Variants in ANKRD18B observed in about 807,000 individuals in gnomAD.
The protein encoded by ANKRD18B is ankyrin repeat domain 18B, also known as ankyrin repeat domain-containing protein 18B.
ANKRD18B carries 75 observed loss-of-function variants against 111.8 expected under a neutral mutation model. The ratio of observed to expected loss-of-function variants is 0.67; its 90% CI spans 0.56 to 0.81. ANKRD18B has a LOEUF of 0.81. Among genes scored for constraint, ANKRD18B ranks in the 40% least tolerant of loss-of-function variants. ANKRD18B has a pLI of 0.00. For missense variants in ANKRD18B, 1,038 were observed against 1,225.5 expected (o/e 0.85, Z 2.28); for synonymous variants, 356 against 417.3 (o/e 0.85, Z 1.79).
Position 33,548,428 on chromosome 9 carries a change from T to C in ANKRD18B, c.1640T>C (p.Val547Ala), listed in dbSNP as rs1828395999. 10 of 1,551,112 alleles carry C rather than the reference T, an allele frequency of 6.4e-6. No individual in the cohort carries two copies. The highest frequency in any genetic ancestry group is 8.7e-6 in the Non-Finnish European group (10 of 1,146,660). ...AAGAATGAGTTGCTTACTGAACAGGTCCATAAAGCTCGGGTGAAGTTCAAT... is the reference window on the plus strand; with the variant it reads ...AAGAATGAGTTGCTTACTGAACAGGCCCATAAAGCTCGGGTGAAGTTCAAT... ...TDKNELLTEQ[V>A]HKARVKFNTL... The change falls in exon 11 of 19, where the codon GTC (valine) becomes GCC (alanine). Residue 547 changes from valine (V) to alanine (A), a missense_variant. Around this residue, in one of 4 missense-constraint regions of ANKRD18B, gnomAD observed 524 missense variants for 677.9 expected, o/e 0.77. Coordinates refer to ENST00000684830, the MANE Select transcript of ANKRD18B (RefSeq NM_001393611.1).
chr9:33,568,524 G>C (rs1828720068), intron 16 of ANKRD18B, 147 bp from the exon 17 acceptor site: 1 of 631,820 alleles, frequency 1.6e-6, no homozygotes, highest in South Asian at 2.5e-5. Context: ...ACTTACAAGA[G>C]GTATGCTCTC....
intron 15 of ANKRD18B, 137 bp downstream of exon 15, chr9:33,566,637 A>G (rs960743099): frequency 3.7e-6 from 4 of 1,079,362 alleles, no homozygotes; most frequent in Admixed American, 7.0e-5. Flanking sequence ...TCTAGAAAAA[A>G]GTGACGTTTT....
intron 12 of ANKRD18B, among the ~76,000 whole-genome samples, chr9:33,554,464 C>T: frequency 6.6e-6 from 1 of 152,090 alleles, no homozygotes; most frequent in East Asian, 1.9e-4. Context: ...ATTAGGGAAT[C>T]CAGGTTAACG....
Position 33,531,286 on chromosome 9 carries a change from GT to G in ANKRD18B, c.495+2120del, listed in dbSNP as rs1328591550. Among the ~76,000 whole-genome samples, 12 of 152,134 alleles carry G rather than the reference GT, an allele frequency of 7.9e-5. No individual in the cohort carries two copies. The South Asian group carries it at 2.5e-3, about 32-fold the overall frequency. ...TTATTATGTATATATCAGGGCCTGA[GT>G]TTTTTTATTAAACATACGATACTAG... is the stretch of plus-strand genomic sequence containing the variant. On this transcript the variant is annotated intron_variant, in intron 3 of 18. Transcript: ENST00000684830.
chr9:33,532,397 G>A (rs1025174760), intron 3 of ANKRD18B, among the ~76,000 whole-genome samples: 1 of 152,000 alleles, frequency 6.6e-6, no homozygotes, highest in African/African-American at 2.4e-5. Context: ...CAATTTAAAT[G>A]GAAATCAATA....
At chr9:33,536,054 A>C (rs1456853140) in intron 5 of ANKRD18B, among the ~76,000 whole-genome samples, 2 of 152,010 alleles carry the variant, frequency 1.3e-5, no homozygotes, top group Admixed American at 6.6e-5. Context: ...AGGACCAAAA[A>C]GGTGCAGCCT....
chr9:33,551,755 T>G (rs1410348288), intron 12 of ANKRD18B, among the ~76,000 whole-genome samples: 1 of 152,206 alleles, frequency 6.6e-6, no homozygotes, highest in African/African-American at 2.4e-5. Context: ...TTTATTTCCC[T>G]GCCATTGGAC....
At chr9:33,526,522 T>A (rs1271493588) in intron 1 of ANKRD18B, among the ~76,000 whole-genome samples, 10 of 152,318 alleles carry the variant, frequency 6.6e-5, no homozygotes, top group Admixed American at 5.9e-4. Context: ...TGTTCCTTTT[T>A]CTTACCTTTG....
chr9:33,555,244 A>G (rs1195788412), intron 12 of ANKRD18B, among the ~76,000 whole-genome samples: 1 of 152,222 alleles, frequency 6.6e-6, no homozygotes, highest in East Asian at 1.9e-4. Flanking sequence ...ACAGAGAATG[A>G]CAGTATTTAG....
chr9:33,541,712 T>G (rs1336584896), intron 9 of ANKRD18B, among the ~76,000 whole-genome samples: 3 of 152,128 alleles, frequency 2.0e-5, no homozygotes, highest in African/African-American at 7.2e-5. Flanking sequence ...AAAATTCAAG[T>G]CAAATAAGAT....
chr9:33,542,450 G>A (rs1828294178), intron 9 of ANKRD18B, among the ~76,000 whole-genome samples: 1 of 150,202 alleles, frequency 6.7e-6, no homozygotes, highest in African/African-American at 2.4e-5. Flanking sequence ...TGGCATGATC[G>A]AGACTCACTG....
intron 1 of ANKRD18B, among the ~76,000 whole-genome samples, chr9:33,525,734 T>A (rs1380970843): frequency 6.6e-6 from 1 of 150,690 alleles, no homozygotes. Flanking sequence ...TTGAAAAATA[T>A]TTACTATATA....
chr9:33,567,224 A>C lies in ANKRD18B; in HGVS notation c.2864A>C (p.Tyr955Ser). Reference protein sequence around the residue: ...ECKFSKMKTAYEDVTTELEEY... With the variant: ...ECKFSKMKTASEDVTTELEEY... ...AAATTCTCCAAAATGAAAACAGCTT[A>C]TGAAGATGTTACAACTGAATTAGAA... Residue 955 changes from tyrosine (Y) to serine (S), a missense_variant, in exon 16 of 19, where the codon TAT (tyrosine) becomes TCT (serine). Tyr to Ser is a moderately radical substitution (Grantham distance 144). This residue lies in a region of ANKRD18B where 524 missense variants were observed against 677.9 expected (regional missense o/e 0.77). Transcript: ENST00000684830. 6.5e-7 allele frequency: 1 copy of C among 1,550,320 alleles called. No individual in the cohort carries two copies. Among genetic ancestry groups the C allele is most frequent in the African/African-American group, 1.4e-5 (1 of 73,126 alleles).
chr9:33,535,770 TATC>T lies in ANKRD18B; in HGVS notation c.741-1105_741-1103del, dbSNP rs544434786. 6.8e-3 allele frequency among the ~76,000 whole-genome samples: 944 copies of T among 139,792 alleles called. 15 individuals are homozygous for T. Among genetic ancestry groups the T allele is most frequent in the African/African-American group, 0.024 (877 of 37,014 alleles). The allele number at this position is 139,792 out of a possible 152,430, so 91.7% of individuals were successfully genotyped here. ...ATATTTTTATATTTAATATTTATAT[TATC>T]ATTATAAATATTATATATAATTATT... On this transcript the variant is annotated intron_variant, in intron 5 of 18. Transcript: ENST00000684830.
intron 14 of ANKRD18B, among the ~76,000 whole-genome samples, chr9:33,564,548 G>C (rs77686047): frequency 6.6e-6 from 1 of 152,104 alleles, no homozygotes. Context: ...CTTTTCTATT[G>C]CCTGAATACC....
chr9:33,548,937 T>C (rs1342930060), intron 11 of ANKRD18B, 82 bp downstream of exon 11: 3 of 1,242,832 alleles, frequency 2.4e-6, no homozygotes, highest in Non-Finnish European at 2.1e-6. Flanking sequence ...TAGTTCAATA[T>C]AAAAATAAAT....
At chr9:33,532,035 C>T (rs1828124475) in intron 3 of ANKRD18B, among the ~76,000 whole-genome samples, 1 of 152,030 alleles carries the variant, frequency 6.6e-6, no homozygotes, top group Non-Finnish European at 1.5e-5. Flanking sequence ...GAGATGGAGA[C>T]CATCCTGGCT....
rs1334150585 is a variant in ANKRD18B at position 33,557,915 on chromosome 9, T to C, written c.2331-143T>C. On this transcript the variant is annotated intron_variant, in intron 13 of 18. Coordinates refer to ENST00000684830, the MANE Select transcript of ANKRD18B (RefSeq NM_001393611.1). ...GATTATAATTTCATATAGAATGCTT[T>C]CAAACTATGTTCAGTTGAAACTGAG... 3.5e-5 allele frequency: 26 copies of C among 739,364 alleles called. No individual in the cohort carries two copies. The Admixed American group carries it at 9.1e-4, about 26-fold the overall frequency. 45.8% of individuals were successfully genotyped at this position (739,364 alleles called of 1,614,324 possible).
intron 5 of ANKRD18B, among the ~76,000 whole-genome samples, chr9:33,535,922 G>A (rs2118006153): frequency 6.6e-6 from 1 of 151,368 alleles, no homozygotes; most frequent in South Asian, 2.1e-4. Flanking sequence ...GTAGCACACG[G>A]GATGTTACAT....
Sources: gnomAD v4.1 joint callset for allele counts (sites outside exome capture counted in the v4.1 genomes callset) on GRCh38, gnomAD v4.1.1 for gene constraint, gnomAD v4.1.1 regional missense constraint, MANE v1.5 for transcripts, NCBI Gene and HGNC (gene_info 2026-07-23, HGNC 2026-07-21) for gene names.